Variants in MYOM3 observed in about 807,000 individuals in gnomAD.
MYOM3 encodes myomesin-3.
Under a neutral mutation model 191.7 loss-of-function variants are expected in MYOM3, and 155 were observed. That is an observed-to-expected ratio of 0.81 (90% CI 0.71 to 0.92). The LOEUF (loss-of-function observed/expected upper bound fraction) is 0.92. Among genes scored for constraint, MYOM3 ranks in the 40% least tolerant of loss-of-function variants. MYOM3 has a pLI of 0.00. For synonymous variants in MYOM3, 757 were observed against 762.9 expected, an observed-to-expected ratio of 0.99 and a Z score of 0.13; for missense variants, 1,889 against 1,890.6, an observed-to-expected ratio of 1.00 and a Z score of 0.02.
rs746358158 is a variant in MYOM3, at chr1:24,057,344, C to A, written c.*20G>T. On this transcript the variant is annotated 3_prime_UTR_variant, in exon 37 of 37. Transcript: ENST00000374434. Reference sequence around the variant, plus strand: ...CTGGTCCATGTAGACTAGACTCAGACTGTGCCTGGACACACGCTGTCACAT... The same window carrying A: ...CTGGTCCATGTAGACTAGACTCAGAATGTGCCTGGACACACGCTGTCACAT... The A allele has an allele frequency of 2.5e-6, 4 of 1,606,424 alleles. No homozygotes were observed. Among genetic ancestry groups the A allele is most frequent in the Non-Finnish European group, 3.4e-6 (4 of 1,176,098 alleles).
intron 7 of MYOM3, among the ~76,000 whole-genome samples, chr1:24,096,781 G>A (rs565706265): frequency 1.3e-5 from 2 of 152,210 alleles, no homozygotes; most frequent in South Asian, 4.2e-4. Context: ...TCTCTCCCGG[G>A]GGTCCTGGAA....
chr1:24,060,958 A>T, intron 35 of MYOM3, 102 bp downstream of exon 35: 1 of 1,327,174 alleles, frequency 7.5e-7, no homozygotes, highest in Non-Finnish European at 1.1e-6. Context: ...CACAGACCCC[A>T]CTGTGGAATG....
Position 24,063,281 on chromosome 1 carries a change from G to C in MYOM3, c.3662-47C>G. The C allele has an allele frequency of 6.5e-7, 1 of 1,546,200 alleles. No individual in the cohort carries two copies. The highest frequency in any genetic ancestry group is 8.9e-7 in the Non-Finnish European group (1 of 1,119,414). ...ATGAATCTTCCCTGAGGCCATTTAG[G>C]CATCAGATTTTGGGGCCGGCTTGTC... On this transcript the variant is annotated intron_variant, in intron 31 of 36. Coordinates refer to ENST00000374434, the MANE Select transcript of MYOM3 (RefSeq NM_152372.4). The surrounding 1 kb of genome is among the most constrained non-coding windows in gnomAD (Gnocchi z 4.5).
intron 35 of MYOM3, among the ~76,000 whole-genome samples, chr1:24,059,587 C>A (rs1643343586): frequency 6.6e-6 from 1 of 152,174 alleles, no homozygotes; most frequent in Non-Finnish European, 1.5e-5. Context: ...CCCTCAAGAA[C>A]CAGGAAGAAG....
rs200017159 is a variant in MYOM3 at position 24,080,161 on chromosome 1, C to T, written c.2441G>A (p.Arg814Gln). 7.2e-5 allele frequency: 116 copies of T among 1,613,554 alleles called. No individual in the cohort carries two copies. Among genetic ancestry groups the T allele is most frequent in the Middle Eastern group, 6.6e-4 (4 of 6,060 alleles). Reference sequence around the variant, plus strand: ...CCACTGCAGCACCAGGGATGTGGCCCGCACCTCGGATGCCCGTACATCGTA... The same window carrying T: ...CCACTGCAGCACCAGGGATGTGGCCTGCACCTCGGATGCCCGTACATCGTA... Reference protein sequence around the residue: ...PPYDVRASEVRATSLVLQWEP... With the variant: ...PPYDVRASEVQATSLVLQWEP... The change falls in exon 20 of 37, where the codon CGG becomes CAG. Residue 814 changes from arginine (R) to glutamine (Q), a missense_variant. By Grantham distance (43) the Arg-to-Gln change is conservative (BLOSUM62 1). Transcript: ENST00000374434.
Position 24,090,088 on chromosome 1 carries a change from G to C in MYOM3, c.1463C>G (p.Thr488Ser). 1 of 1,614,138 alleles carries C rather than the reference G, an allele frequency of 6.2e-7. No individual in the cohort carries two copies. Among genetic ancestry groups the C allele is most frequent in the Non-Finnish European group, 8.5e-7 (1 of 1,179,978 alleles). The change falls in exon 13 of 37, where the codon ACC (threonine) becomes AGC (serine). Residue 488 changes from threonine (T) to serine (S), a missense_variant. Physicochemically the swap from Thr to Ser is moderately conservative, Grantham distance 58. Coordinates refer to ENST00000374434, the MANE Select transcript of MYOM3 (RefSeq NM_152372.4). ...EIPFDLGNKI[T>S]ISTDAFEDTV... The stretch of plus-strand genomic sequence containing the variant: ...ACCTTCAAAAGCGTCTGTGCTGATG[G>C]TGATCTTGTTTCCCAGATCAAAGGG...
Position 24,057,330 on chromosome 1 carries a change from A to C in MYOM3, c.*34T>G. The C allele has an allele frequency of 6.3e-7, 1 of 1,598,758 alleles. No homozygotes were observed. Among genetic ancestry groups the C allele is most frequent in the Non-Finnish European group, 8.5e-7 (1 of 1,171,620 alleles). On this transcript the variant is annotated 3_prime_UTR_variant, in exon 37 of 37. Transcript: ENST00000374434. ...ACAGGTTGTCCCTACTGGTCCATGT[A>C]GACTAGACTCAGACTGTGCCTGGAC...
intron 11 of MYOM3, 116 bp from the exon 12 acceptor site, chr1:24,091,112 AT>A: frequency 8.3e-7 from 1 of 1,204,464 alleles, no homozygotes; most frequent in Non-Finnish European, 1.1e-6. Context: ...ATCTCTGCCA[AT>A]TAAAGTTCTT....
At position 24,080,135 on chromosome 1, in the gene MYOM3, C is replaced by G. The variant is rs1462449762; in HGVS notation, c.2467G>C (p.Glu823Gln). ...CCAGCCCCCATATACAGTGGGGGTT[C>G]CCACTGCAGCACCAGGGATGTGGCC... is the stretch of plus-strand genomic sequence containing the variant. ...VRATSLVLQWEPPLYMGAGPV... is the reference protein window; with the variant it reads ...VRATSLVLQWQPPLYMGAGPV... Residue 823 changes from glutamate (E) to glutamine (Q), a missense_variant, in exon 20 of 37, where the codon GAA (glutamate) becomes CAA (glutamine). Glu to Gln is a conservative substitution (Grantham distance 29). Coordinates refer to ENST00000374434, the MANE Select transcript of MYOM3 (RefSeq NM_152372.4). 3 of 1,613,834 alleles carry G rather than the reference C, an allele frequency of 1.9e-6. No homozygotes were observed. Among genetic ancestry groups the G allele is most frequent in the African/African-American group, 1.3e-5 (1 of 75,028 alleles).
At chr1:24,078,977 G>A (rs1480245131) in intron 20 of MYOM3, among the ~76,000 whole-genome samples, 1 of 152,120 alleles carries the variant, frequency 6.6e-6, no homozygotes, top group Admixed American at 6.6e-5. Context: ...AACAAAACTA[G>A]TGATTCTGCT....
At chr1:24,095,360 T>C in intron 8 of MYOM3, 82 bp downstream of exon 8, 3 of 1,328,100 alleles carry the variant, frequency 2.3e-6, no homozygotes, top group Non-Finnish European at 3.2e-6. Context: ...GGGATGGCTA[T>C]ATTCTAAACA....
At chr1:24,077,862 C>T (rs1384731865) in intron 20 of MYOM3, among the ~76,000 whole-genome samples, 1 of 152,192 alleles carries the variant, frequency 6.6e-6, no homozygotes, top group Non-Finnish European at 1.5e-5. Context: ...GCGAGCCACT[C>T]ATATAGGGGA....
Position 24,063,590 on chromosome 1 carries a change from A to C in MYOM3, c.3623-60T>G. The C allele has an allele frequency of 6.3e-7, 1 of 1,596,652 alleles. No homozygotes were observed. The highest frequency in any genetic ancestry group is 8.6e-7 in the Non-Finnish European group (1 of 1,164,740). On this transcript the variant is annotated intron_variant, in intron 30 of 36. Transcript: ENST00000374434. This position sits in a 1 kb window ranked among gnomAD's most constrained non-coding sequence, Gnocchi z 4.5. The stretch of plus-strand genomic sequence containing the variant: ...AGGGCTCCCCTAGGGATGTGCTAGG[A>C]GTGGGGACATCCTAGAAAAAGGCTG...
At chr1:24,073,555 C>T (rs1032431144) in intron 23 of MYOM3, among the ~76,000 whole-genome samples, 8 of 152,058 alleles carry the variant, frequency 5.3e-5, no homozygotes, top group Non-Finnish European at 7.4e-5. Flanking sequence ...ATTCTAGTAC[C>T]TTTGCTCTTA....
intron 5 of MYOM3, among the ~76,000 whole-genome samples, chr1:24,103,199 G>C (rs1482343655): frequency 6.6e-6 from 1 of 152,248 alleles, no homozygotes; most frequent in Non-Finnish European, 1.5e-5. Flanking sequence ...GCTTGGCTGC[G>C]GGGAGGACAG....
At position 24,094,881 on chromosome 1, in the gene MYOM3, A is replaced by G; in HGVS notation, c.900T>C (p.Asp300=). 1.2e-6 allele frequency: 2 copies of G among 1,613,962 alleles called. No individual in the cohort carries two copies. The highest frequency in any genetic ancestry group is 1.1e-5 in the South Asian group (1 of 91,022). Residue 300 remains aspartate (D), a synonymous_variant, in exon 9 of 37, where the codon GAT becomes GAC. Transcript: ENST00000374434. ...CTCGGAACCACTGGATGCTCTCAGC[A>G]TCTAACACATCTTCCGAAAACAAGC... is the stretch of plus-strand genomic sequence containing the variant. ...LSCLFSEDVL[D]AESIQWFRDG...
intron 14 of MYOM3, 107 bp downstream of exon 14, chr1:24,089,431 G>T: frequency 7.2e-7 from 1 of 1,397,842 alleles, no homozygotes. Context: ...TCTGGCCAGG[G>T]GATTCTCTTT....
At chr1:24,092,847 C>T (rs924374199) in intron 10 of MYOM3, 100 bp downstream of exon 10, 71 of 1,225,426 alleles carry the variant, frequency 5.8e-5, no homozygotes, top group Non-Finnish European at 6.8e-5. Flanking sequence ...ATTGAGGCCC[C>T]AAGAGAGCAG....
Position 24,074,142 on chromosome 1 carries a change from G to A in MYOM3, c.2968+18C>T. The A allele has an allele frequency of 3.2e-6, 5 of 1,584,330 alleles. No individual in the cohort carries two copies. The highest frequency in any genetic ancestry group is 2.2e-5 in the East Asian group (1 of 44,630). On this transcript the variant is annotated intron_variant, in intron 23 of 36. Transcript: ENST00000374434. Reference sequence around the variant, plus strand: ...TCTCTCTCTGGGGAGGTGGCAGGGAGCGGGGTAGGTGCATTACCTTCCTCG... The same window carrying A: ...TCTCTCTCTGGGGAGGTGGCAGGGAACGGGGTAGGTGCATTACCTTCCTCG...
Sources: allele counts gnomAD v4.1 joint callset (sites outside exome capture counted in the v4.1 genomes callset), GRCh38; gene constraint gnomAD v4.1.1; non-coding constraint Gnocchi (gnomAD v3.1); transcripts MANE v1.5; gene names NCBI Gene and HGNC (gene_info 2026-07-23, HGNC 2026-07-21).